The following PARVB variants were observed in gnomAD, a reference collection of about 807,000 sequenced individuals.
PARVB encodes the protein beta-parvin.
A neutral mutation model predicts 47.0 loss-of-function variants in PARVB; 46 were observed. The ratio of observed to expected loss-of-function variants is 0.98; its 90% CI spans 0.77 to 1.25. The LOEUF is 1.25. PARVB is among the 50% of genes most tolerant of loss of function. The pLI, the probability that PARVB is intolerant of heterozygous loss-of-function variation, is 0.00. For missense variants in PARVB, 473 were observed against 471.6 expected, an observed-to-expected ratio of 1.00 and a Z score of -0.03; for synonymous variants, 196 against 196.3, an observed-to-expected ratio of 1.00 and a Z score of 0.01.
intron 4 of PARVB, among the ~76,000 whole-genome samples, chr22:44,127,204 C>A (rs540602210): frequency 1.9e-4 from 29 of 151,866 alleles, no homozygotes; most frequent in African/African-American, 6.5e-4. Context: ...CTTGAGAAGG[C>A]AATTCTAAAA....
At chr22:44,124,880 G>T (rs975972261) in intron 4 of PARVB, among the ~76,000 whole-genome samples, 1 of 152,198 alleles carries the variant, frequency 6.6e-6, no homozygotes, top group Non-Finnish European at 1.5e-5. Context: ...ATGGGTAGGG[G>T]GTGGGGTGCT....
upstream of PARVB, among the ~76,000 whole-genome samples, chr22:44,019,661 A>C (rs371370609): frequency 2.0e-3 from 310 of 152,314 alleles, 1 homozygote; most frequent in African/African-American, 7.3e-3. Context: ...ACATGCACAG[A>C]GATTACAGGG....
chr22:44,167,033 C>G (rs555361742), intron 12 of PARVB, among the ~76,000 whole-genome samples: 1 of 152,282 alleles, frequency 6.6e-6, no homozygotes, highest in African/African-American at 2.4e-5. Context: ...CCGGAGGAAG[C>G]AGAGCAGTCT....
chr22:44,088,319 C>A (rs16991431), intron 1 of PARVB, among the ~76,000 whole-genome samples: 2 of 151,844 alleles, frequency 1.3e-5, no homozygotes, highest in South Asian at 4.2e-4. Context: ...TTGGAGGAGG[C>A]GGCCAGTAAG....
At chr22:44,140,021 C>T in intron 7 of PARVB, 103 bp from the exon 8 acceptor site, 2 of 135,894 alleles carry the variant, frequency 1.5e-5, no homozygotes, top group Non-Finnish European at 2.3e-5. Flanking sequence ...CAGCGAGGGC[C>T]CAGCTTTCTG....
intron 3 of PARVB, 35 bp from the exon 4 acceptor site, chr22:44,119,003 G>T (rs1482164963): frequency 1.4e-6 from 2 of 1,445,742 alleles, no homozygotes; most frequent in Non-Finnish European, 1.9e-6. Flanking sequence ...CGTGGCGCTG[G>T]TGGACTGAGG....
chr22:44,064,990 G>A (rs1332933591), intron 1 of PARVB, among the ~76,000 whole-genome samples: 1 of 152,220 alleles, frequency 6.6e-6, no homozygotes, highest in Admixed American at 6.5e-5. Context: ...AAATGTACAG[G>A]GTTTTTGTGA....
At chr22:44,161,308 CTT>C (rs769442547) in intron 11 of PARVB, among the ~76,000 whole-genome samples, 30 of 128,608 alleles carry the variant, frequency 2.3e-4, no homozygotes, top group Non-Finnish European at 3.1e-4. Flanking sequence ...TTTTTCTTTT[CTT>C]TTTTTTTTTT....
intron 1 of PARVB, among the ~76,000 whole-genome samples, chr22:44,064,036 C>G (rs1211626774): frequency 6.6e-6 from 1 of 152,184 alleles, no homozygotes; most frequent in Non-Finnish European, 1.5e-5. Context: ...GGCGCCTTCA[C>G]CTGTCTCATG....
At chr22:44,075,395 C>G (rs1257431488) in intron 1 of PARVB, among the ~76,000 whole-genome samples, 2 of 152,226 alleles carry the variant, frequency 1.3e-5, no homozygotes, top group Non-Finnish European at 2.9e-5. Context: ...CCACCACGCA[C>G]ACTATCAACA....
chr22:44,018,531 G>A (rs1368864955), intron 2 of PARVB, among the ~76,000 whole-genome samples: 1 of 152,152 alleles, frequency 6.6e-6, no homozygotes, highest in East Asian at 1.9e-4. Flanking sequence ...TCCCTAACCT[G>A]GAATCCAGTC....
At chr22:44,159,766 G>A (rs2054012808) in intron 11 of PARVB, among the ~76,000 whole-genome samples, 1 of 152,172 alleles carries the variant, frequency 6.6e-6, no homozygotes, top group South Asian at 2.1e-4. Context: ...CTGCTGTGGA[G>A]GACTCACCCA....
chr22:44,096,578 T>C (rs918839619), intron 2 of PARVB, among the ~76,000 whole-genome samples: 2 of 152,124 alleles, frequency 1.3e-5, no homozygotes, highest in Non-Finnish European at 2.9e-5. Context: ...GTGAGGTGGG[T>C]TGTATCATTA....
chr22:44,164,646 G>A (rs2054127560), intron 12 of PARVB, among the ~76,000 whole-genome samples: 1 of 152,144 alleles, frequency 6.6e-6, no homozygotes. Flanking sequence ...TGCCATGCAG[G>A]AGGAGCCCAC....
At position 44,154,065 on chromosome 22, in the gene PARVB, G is replaced by T. The variant is rs1865656825; in HGVS notation, c.843+2514G>T. ...GGTACTGTCATGGGGCGTGTGAGGG[G>T]CACTGCTCCCCCACATCCATACCAG... On this transcript the variant is annotated intron_variant, in intron 10 of 12. Transcript: ENST00000338758. Among the ~76,000 whole-genome samples, 5 of 152,188 alleles carry T rather than the reference G, an allele frequency of 3.3e-5. No homozygotes were observed. In the South Asian group the frequency reaches 1.0e-3, roughly 32 times the overall value.
rs367939868 is a variant in PARVB, at chr22:44,017,646, C to T, written c.211+17973C>T. ...AAATTCTGTGTGTTCACTGGCAAGC[C>T]GGAACCACTGACGAAAGCTTCAAAA... is the stretch of plus-strand genomic sequence containing the variant. On this transcript the variant is annotated intron_variant, in intron 2 of 13. Transcript: ENST00000406477. 5.9e-5 allele frequency among the ~76,000 whole-genome samples: 9 copies of T among 152,224 alleles called. No individual in the cohort carries two copies. In the South Asian group the frequency reaches 6.2e-4, roughly 11 times the overall value.
chr22:44,120,922 C>T (rs2053032043), intron 4 of PARVB, among the ~76,000 whole-genome samples: 1 of 151,994 alleles, frequency 6.6e-6, no homozygotes, highest in Non-Finnish European at 1.5e-5. Context: ...CAGCTCACTG[C>T]AACCTCCGAC....
intron 2 of PARVB, among the ~76,000 whole-genome samples, chr22:44,015,361 A>G (rs2146858572): frequency 6.6e-6 from 1 of 152,262 alleles, no homozygotes; most frequent in East Asian, 1.9e-4. Context: ...CATGCTAAAA[A>G]CTTACATGGG....
chr22:44,155,565 A>G lies in PARVB; in HGVS notation c.844-2417A>G, dbSNP rs1434810026. On this transcript the variant is annotated intron_variant, in intron 10 of 12. Transcript: ENST00000338758. The surrounding 1 kb of genome is among the most constrained non-coding windows in gnomAD (Gnocchi z 4.8). The stretch of plus-strand genomic sequence containing the variant: ...GCGGGAGCAGCGGCGTGGCCACCCC[A>G]GACCTCCTGGGGAGAGGTGTGGGTT... 1.3e-5 allele frequency among the ~76,000 whole-genome samples: 2 copies of G among 152,144 alleles called. No individual in the cohort carries two copies. The highest frequency in any genetic ancestry group is 2.9e-5 in the Non-Finnish European group (2 of 68,030).
Sources: allele counts gnomAD v4.1 joint callset (sites outside exome capture counted in the v4.1 genomes callset), GRCh38; gene constraint gnomAD v4.1.1; non-coding constraint Gnocchi (gnomAD v3.1); transcripts MANE v1.5; gene names NCBI Gene and HGNC (gene_info 2026-07-23, HGNC 2026-07-21).